MYT1L: variants seen among roughly 807,000 people sequenced by gnomAD.
MYT1L encodes the protein myelin transcription factor 1-like protein.
In MYT1L, 12 loss-of-function variants were observed where a neutral mutation model predicts 126.7. That is an observed-to-expected ratio of 0.09 (90% confidence interval 0.06 to 0.15). The LOEUF is 0.15. MYT1L is among the 10% of genes least tolerant of loss of function. The pLI is 1.00. For missense variants in MYT1L, 979 were observed against 1,585.2 expected (o/e 0.62, Z 6.49); for synonymous variants, 541 against 604.2 (o/e 0.90, Z 1.53).
chr2:2,157,026 C>T (rs534676188), intron 3 of MYT1L, among the ~76,000 whole-genome samples: 11 of 152,274 alleles, frequency 7.2e-5, no homozygotes, highest in Admixed American at 4.6e-4. Context: ...AGAGTTTTGA[C>T]CATGTTACAA....
intron 3 of MYT1L, among the ~76,000 whole-genome samples, chr2:2,117,292 A>C (rs2080336140): frequency 6.6e-6 from 1 of 152,238 alleles, no homozygotes; most frequent in Non-Finnish European, 1.5e-5. Context: ...AATAAAATGC[A>C]GTAGTAAGGA....
chr2:2,045,628 T>C (rs1018049026), intron 4 of MYT1L, among the ~76,000 whole-genome samples: 2 of 152,228 alleles, frequency 1.3e-5, no homozygotes, highest in East Asian at 3.8e-4. Flanking sequence ...TTCCCAGCAA[T>C]GAAATGTCCC....
chr2:2,169,411 T>C (rs994118697), intron 3 of MYT1L, among the ~76,000 whole-genome samples: 2 of 152,194 alleles, frequency 1.3e-5, no homozygotes, highest in African/African-American at 4.8e-5. Flanking sequence ...TGTCAACTAA[T>C]ACTCTGTGTT....
chr2:2,061,840 C>T (rs2070552447), intron 3 of MYT1L, among the ~76,000 whole-genome samples: 1 of 152,162 alleles, frequency 6.6e-6, no homozygotes, highest in Admixed American at 6.5e-5. Context: ...CAACCTCATA[C>T]ACACACATGG....
rs539320025 is a variant in MYT1L, at chr2:2,093,611, T to C, written c.-303-39488A>G. Among the ~76,000 whole-genome samples, 4 of 152,290 alleles carry C rather than the reference T, an allele frequency of 2.6e-5. No homozygotes were observed. The East Asian group carries it at 5.8e-4, about 22-fold the overall frequency. ...ATTAGCCCCTTGTCAGATGAGTAGA[T>C]TGCAAAAATTTTCTCCCATTCTGTA... On this transcript the variant is annotated intron_variant, in intron 3 of 24. Coordinates refer to ENST00000647738, the MANE Select transcript of MYT1L (RefSeq NM_001303052.2).
intron 1 of MYT1L, among the ~76,000 whole-genome samples, chr2:2,304,931 C>G (rs2095839270): frequency 6.6e-6 from 1 of 152,106 alleles, no homozygotes; most frequent in Admixed American, 6.5e-5. Context: ...TGGAATGTGG[C>G]CAGTTTGAGT....
intron 4 of MYT1L, among the ~76,000 whole-genome samples, chr2:2,005,327 C>T (rs573895932): frequency 3.6e-5 from 5 of 138,112 alleles, no homozygotes; most frequent in Admixed American, 7.3e-5. Flanking sequence ...TTCCTGCGTG[C>T]GTTCTTTCCT....
intron 2 of MYT1L, among the ~76,000 whole-genome samples, chr2:2,194,141 G>A (rs2092704880): frequency 6.6e-6 from 1 of 152,010 alleles, no homozygotes; most frequent in Admixed American, 6.6e-5. Flanking sequence ...GTGCAGTGGT[G>A]TGGTCATGGC....
intron 1 of MYT1L, among the ~76,000 whole-genome samples, chr2:2,306,424 T>C (rs955411459): frequency 1.7e-4 from 26 of 152,272 alleles, no homozygotes; most frequent in African/African-American, 6.0e-4. Context: ...GGTTTTCAAA[T>C]AGGAGTCTGG....
rs977365436 is a variant in MYT1L, at chr2:2,061,673, C to T, written c.-303-7550G>A. 2.0e-5 allele frequency among the ~76,000 whole-genome samples: 3 copies of T among 152,152 alleles called. No homozygotes were observed. In the East Asian group the frequency reaches 5.8e-4, roughly 29 times the overall value. On this transcript the variant is annotated intron_variant, in intron 3 of 24. Transcript: ENST00000647738. Reference sequence around the variant, plus strand: ...TCCAGCTCCCTGTCACCCAATGGACCTGTGATATCTGGATTCTGGGAAATT... The same window carrying T: ...TCCAGCTCCCTGTCACCCAATGGACTTGTGATATCTGGATTCTGGGAAATT...
intron 3 of MYT1L, among the ~76,000 whole-genome samples, chr2:2,158,805 G>A (rs1302726696): frequency 6.6e-6 from 1 of 152,034 alleles, no homozygotes; most frequent in Non-Finnish European, 1.5e-5. Flanking sequence ...ATGATGACAC[G>A]TGTCTTTCAC....
intron 3 of MYT1L, among the ~76,000 whole-genome samples, chr2:2,091,889 C>T (rs1236292339): frequency 6.6e-6 from 1 of 152,198 alleles, no homozygotes; most frequent in Non-Finnish European, 1.5e-5. Flanking sequence ...GCTTCCTCAT[C>T]TCTCTCAGCC....
chr2:2,045,126 T>C (rs893928380), intron 4 of MYT1L, among the ~76,000 whole-genome samples: 18 of 152,188 alleles, frequency 1.2e-4, no homozygotes, highest in African/African-American at 4.1e-4. Flanking sequence ...ACAGAAAGTC[T>C]ATGAGGAATA....
chr2:2,175,862 C>T (rs1011149093), intron 2 of MYT1L, among the ~76,000 whole-genome samples: 3 of 152,222 alleles, frequency 2.0e-5, no homozygotes, highest in Non-Finnish European at 2.9e-5. Flanking sequence ...CCAGCTCTTC[C>T]GCCTGTTTCT....
intron 14 of MYT1L, among the ~76,000 whole-genome samples, chr2:1,897,462 T>G (rs987357759): frequency 4.0e-5 from 6 of 151,600 alleles, no homozygotes; most frequent in Admixed American, 2.6e-4. Flanking sequence ...TTTTTTTTTT[T>G]TGTTTGTTTG....
intron 2 of MYT1L, among the ~76,000 whole-genome samples, chr2:2,273,531 C>T (rs2095305526): frequency 6.6e-6 from 1 of 152,184 alleles, no homozygotes; most frequent in South Asian, 2.1e-4. Flanking sequence ...TTGGCCTGGT[C>T]GCCCAGCCAA....
chr2:1,852,148 C>G lies in MYT1L; in HGVS notation c.2712-445G>C, dbSNP rs754791307. Reference sequence around the variant, plus strand: ...GTTTTAGTCTGAACTCAGACCCCAGCACTGCAAAGGCACCCCTTCCACAGA... The same window carrying G: ...GTTTTAGTCTGAACTCAGACCCCAGGACTGCAAAGGCACCCCTTCCACAGA... On this transcript the variant is annotated intron_variant, in intron 18 of 24. Transcript: ENST00000647738. This position sits in a 1 kb window ranked among gnomAD's most constrained non-coding sequence, Gnocchi z 4.0. Among the ~76,000 whole-genome samples the G allele has an allele frequency of 2.0e-4, 31 of 152,184 alleles. No individual in the cohort carries two copies. Among genetic ancestry groups the G allele is most frequent in the Non-Finnish European group, 2.9e-4 (20 of 68,044 alleles).
At position 2,006,298 on chromosome 2, in the gene MYT1L, T is replaced by A. The variant is rs566854953; in HGVS notation, c.-157-8951A>T. Among the ~76,000 whole-genome samples the A allele has an allele frequency of 2.8e-4, 43 of 152,362 alleles. No individual in the cohort carries two copies. In the East Asian group the frequency reaches 6.2e-3, roughly 22 times the overall value. On this transcript the variant is annotated intron_variant, in intron 4 of 24. Coordinates refer to ENST00000647738, the MANE Select transcript of MYT1L (RefSeq NM_001303052.2). ...ATGTTTACAACATGTTGATATGGGA[T>A]ACACATACATCGTAGAATGCTTACT...
At chr2:2,095,408 G>GTCATAGAACCCTTT (rs2077335987) in intron 3 of MYT1L, among the ~76,000 whole-genome samples, 1 of 152,150 alleles carries the variant, frequency 6.6e-6, no homozygotes, top group Non-Finnish European at 1.5e-5. Flanking sequence ...TATGAAAAGG[G>GTCATAGAACCCTTT]TCATGTAGGC....
Sources: gnomAD v4.1 joint callset for allele counts (sites outside exome capture counted in the v4.1 genomes callset) on GRCh38, gnomAD v4.1.1 for gene constraint, Gnocchi (gnomAD v3.1) non-coding constraint, MANE v1.5 for transcripts, NCBI Gene and HGNC (gene_info 2026-07-23, HGNC 2026-07-21) for gene names.